MATR3: variants seen among roughly 807,000 people sequenced by gnomAD.
The protein encoded by MATR3 is matrin 3, also known as matrin-3.
Under a neutral mutation model 85.5 loss-of-function variants are expected in MATR3, and 4 were observed. The ratio of observed to expected loss-of-function variants is 0.05; its 90% CI spans 0.02 to 0.11. The LOEUF (loss-of-function observed/expected upper bound fraction) is 0.11. Ranked by LOEUF, MATR3 falls within the 10% of genes least tolerant of loss-of-function variation. The pLI, the probability that MATR3 is intolerant of heterozygous loss-of-function variation, is 1.00. For synonymous variants in MATR3, 336 were observed against 343.1 expected, an observed-to-expected ratio of 0.98 and a Z score of 0.23; for missense variants, 685 against 1,016.1, an observed-to-expected ratio of 0.67 and a Z score of 4.43.
At chr5:139,295,237 T>C (rs1313160080) in intron 1 of MATR3, among the ~76,000 whole-genome samples, 1 of 152,246 alleles carries the variant, frequency 6.6e-6, no homozygotes, top group Non-Finnish European at 1.5e-5. Flanking sequence ...AGTATTGTTT[T>C]AAAAATCAAG....
intron 1 of MATR3, chr5:139,294,021 C>A: frequency 7.8e-7 from 1 of 1,282,404 alleles, no homozygotes; most frequent in Non-Finnish European, 9.9e-7. Context: ...CCTTCTAGGG[C>A]GGCGGAGGTG....
At chr5:139,290,681 C>T (rs1753845113), upstream of MATR3, among the ~76,000 whole-genome samples, 1 of 151,778 alleles carries the variant, frequency 6.6e-6, no homozygotes, top group Non-Finnish European at 1.5e-5. Flanking sequence ...AACTTTCTGG[C>T]CTCAAGCGAT....
Position 139,278,584 on chromosome 5 carries a change from G to T in MATR3, c.-256-467G>T, listed in dbSNP as rs935808161. 1.4e-5 allele frequency: 5 copies of T among 356,992 alleles called. No homozygotes were observed. The Admixed American group carries it at 1.8e-4, about 13-fold the overall frequency. 22.1% of individuals were successfully genotyped at this position (356,992 alleles called of 1,614,324 possible). On this transcript the variant is annotated intron_variant, in intron 2 of 16. Coordinates refer to ENST00000509990, the Ensembl canonical transcript of MATR3. The stretch of plus-strand genomic sequence containing the variant: ...TGCTAGATCCCAATCGCAGTGCTTG[G>T]CACATGGCAGGACCTCCCTGAATGT...
intron 14 of MATR3, among the ~76,000 whole-genome samples, chr5:139,327,303 T>C (rs921066733): frequency 2.7e-5 from 4 of 147,892 alleles, no homozygotes; most frequent in Non-Finnish European, 5.9e-5. Context: ...GTGTCACTTC[T>C]GTTTTTTTTT....
chr5:139,281,361 T>TG (rs1561919234), intron 3 of MATR3, among the ~76,000 whole-genome samples: 3 of 146,994 alleles, frequency 2.0e-5, no homozygotes, highest in African/African-American at 7.5e-5. Flanking sequence ...TTTTTGTTTT[T>TG]TTTTTTTTTT....
At position 139,322,478 on chromosome 5, in the gene MATR3, A is replaced by G; in HGVS notation, c.1750A>G (p.Ile584Val). ...KLVLRIPNRG[I>V]DLLKKDKSRK... The stretch of plus-strand genomic sequence containing the variant: ...TGTCTTTTAGATTCCAAACAGAGGC[A>G]TTGATTTACTGAAAAAAGATAAATC... The change falls in exon 11 of 15, where the codon ATT becomes GTT. Residue 584 changes from isoleucine to valine, a missense_variant. Physicochemically the swap from Ile to Val is conservative, Grantham distance 29. Coordinates refer to ENST00000394805, the MANE Select transcript of MATR3 (RefSeq NM_018834.6). 6.2e-7 allele frequency: 1 copy of G among 1,614,056 alleles called. No homozygotes were observed. Among genetic ancestry groups the G allele is most frequent in the Non-Finnish European group, 8.5e-7 (1 of 1,179,938 alleles).
intron 1 of MATR3, among the ~76,000 whole-genome samples, chr5:139,301,547 C>T (rs1457706105): frequency 1.3e-5 from 2 of 152,124 alleles, no homozygotes; most frequent in African/African-American, 4.8e-5. Context: ...TCTCGGACTC[C>T]TGACCTTAAA....
upstream of MATR3, among the ~76,000 whole-genome samples, chr5:139,289,280 G>A (rs992444067): frequency 6.6e-6 from 1 of 152,190 alleles, no homozygotes; most frequent in African/African-American, 2.4e-5. Flanking sequence ...TTGCCTGGGC[G>A]TGGTGGCACA....
chr5:139,301,882 T>TA (rs1561929732), intron 1 of MATR3, among the ~76,000 whole-genome samples: 2 of 152,204 alleles, frequency 1.3e-5, no homozygotes, highest in South Asian at 2.1e-4. Context: ...GGGAATTTCT[T>TA]ACACTGGTTA....
At chr5:139,303,051 T>G (rs543758744) in intron 1 of MATR3, among the ~76,000 whole-genome samples, 9 of 151,876 alleles carry the variant, frequency 5.9e-5, no homozygotes, top group Non-Finnish European at 8.8e-5. Flanking sequence ...ATTAGTTGTT[T>G]TTTTTTTTTT....
intron 3 of MATR3, among the ~76,000 whole-genome samples, chr5:139,281,592 A>T (rs927028812): frequency 2.0e-5 from 3 of 151,786 alleles, no homozygotes; most frequent in African/African-American, 7.3e-5. Flanking sequence ...ACCTCAGGTG[A>T]TCCACCCGCC....
At chr5:139,282,010 C>G (rs1245014676) in intron 3 of MATR3, among the ~76,000 whole-genome samples, 1 of 152,158 alleles carries the variant, frequency 6.6e-6, no homozygotes. Context: ...ATGCCTCACT[C>G]AAATTTAAAC....
intron 1 of MATR3, chr5:139,294,101 G>T (rs1282577813): frequency 1.6e-6 from 2 of 1,241,106 alleles, no homozygotes. Context: ...GGGTGAAGAG[G>T]TGCGCTGACC....
At chr5:139,318,639 C>T (rs888324116) in intron 7 of MATR3, among the ~76,000 whole-genome samples, 7 of 152,224 alleles carry the variant, frequency 4.6e-5, no homozygotes, top group Admixed American at 3.3e-4. Context: ...GACGGGGTTT[C>T]ACCATGTTGG....
At position 139,317,101 on chromosome 5, in the gene MATR3, G is replaced by C. The variant is rs1204160990; in HGVS notation, c.1178G>C (p.Arg393Thr). 2 of 1,614,060 alleles carry C rather than the reference G, an allele frequency of 1.2e-6. No individual in the cohort carries two copies. Among genetic ancestry groups the C allele is most frequent in the Non-Finnish European group, 1.7e-6 (2 of 1,179,952 alleles). The change falls in exon 6 of 15, where the codon AGA becomes ACA. Residue 393 changes from arginine to threonine, a missense_variant. By Grantham distance (71) the Arg-to-Thr change is moderately conservative. Around this residue, in one of 9 missense-constraint regions of MATR3, gnomAD observed 223 missense variants for 334.4 expected, o/e 0.67. Transcript: ENST00000394805. ...GGACCTAGACACATGCAGAAAGGCA[G>C]AGTGGTCAGTAATGAAGCTTTTGGT... ...LQGPRHMQKGRVETSRVVHIM... is the reference protein window; with the variant it reads ...LQGPRHMQKGTVETSRVVHIM...
intron 3 of MATR3, among the ~76,000 whole-genome samples, chr5:139,281,365 T>TG (rs1286227631): frequency 6.8e-5 from 10 of 147,196 alleles, no homozygotes; most frequent in Admixed American, 4.1e-4. Context: ...TGTTTTTTTT[T>TG]TTTTTTTTGC....
Position 139,322,656 on chromosome 5 carries a change from G to C in MATR3, c.1837G>C (p.Asp613His). Residue 613 changes from aspartate (D) to histidine (H), a missense_variant, in exon 12 of 15, where the codon GAT becomes CAT. By Grantham distance (81) the Asp-to-His change is moderately conservative. Around this residue, in one of 9 missense-constraint regions of MATR3, gnomAD observed 215 missense variants for 194.7 expected, o/e 1.10. Transcript: ENST00000394805. ...ESPSDKKSKT[D>H]GSQKTESSTE... Reference sequence around the variant, plus strand: ...TCCAAGTGATAAGAAATCCAAAACTGATGGTTCCCAGAAGACTGAGAGTTC... The same window carrying C: ...TCCAAGTGATAAGAAATCCAAAACTCATGGTTCCCAGAAGACTGAGAGTTC... 6.2e-7 allele frequency: 1 copy of C among 1,614,134 alleles called. No homozygotes were observed. Among genetic ancestry groups the C allele is most frequent in the Non-Finnish European group, 8.5e-7 (1 of 1,180,008 alleles).
At chr5:139,306,875 CTT>C (rs1561932595) in intron 1 of MATR3, among the ~76,000 whole-genome samples, 2 of 152,010 alleles carry the variant, frequency 1.3e-5, no homozygotes, top group Non-Finnish European at 2.9e-5. Context: ...TGTTTTTAGT[CTT>C]CTGGAACTTA....
At chr5:139,276,598 C>A (rs1753284791) in intron 2 of MATR3, among the ~76,000 whole-genome samples, 2 of 152,202 alleles carry the variant, frequency 1.3e-5, no homozygotes, top group South Asian at 4.1e-4. Flanking sequence ...TAGTTCTGGT[C>A]CAACAGGTTT....
Sources: gnomAD v4.1 joint callset for allele counts (sites outside exome capture counted in the v4.1 genomes callset) on GRCh38, gnomAD v4.1.1 for gene constraint, gnomAD v4.1.1 regional missense constraint, MANE v1.5 for transcripts, NCBI Gene and HGNC (gene_info 2026-07-23, HGNC 2026-07-21) for gene names.